Variants in SORL1 observed in about 807,000 individuals in gnomAD.
SORL1 encodes sortilin related receptor 1, also known as sortilin-related receptor.
SORL1 carries 127 observed loss-of-function variants against 273.7 expected under a neutral mutation model. That is an observed-to-expected ratio of 0.46 (90% CI 0.40 to 0.54). SORL1 has a LOEUF of 0.54. SORL1 is among the 20% of genes least tolerant of loss of function. The pLI is 0.00. For missense variants in SORL1, 2,494 were observed against 2,846.1 expected, an observed-to-expected ratio of 0.88 and a Z score of 2.81; for synonymous variants, 1,031 against 1,067.4, an observed-to-expected ratio of 0.97 and a Z score of 0.66.
rs1044552586 is a variant in SORL1, at chr11:121,625,169, A to G, written c.6256A>G (p.Asn2086Asp). ...TACTGACAATTTCTTTAAAATTTCC[A>G]ACCTGAAGATGGGTCATAATTACAC... ...NTTDNFFKIS[N>D]LKMGHNYTFT... Residue 2086 changes from asparagine to aspartate, a missense_variant, in exon 46 of 48, where the codon AAC becomes GAC. Physicochemically the swap from Asn to Asp is conservative, Grantham distance 23. Transcript: ENST00000260197. The G allele has an allele frequency of 3.1e-6, 5 of 1,613,884 alleles. No individual in the cohort carries two copies. In the African/African-American group the frequency reaches 5.3e-5, roughly 17 times the overall value.
intron 18 of SORL1, among the ~76,000 whole-genome samples, chr11:121,556,130 T>A (rs929744008): frequency 6.6e-6 from 1 of 152,214 alleles, no homozygotes; most frequent in Non-Finnish European, 1.5e-5. Flanking sequence ...AGATGGAGAT[T>A]CATATATTCG....
intron 11 of SORL1, among the ~76,000 whole-genome samples, chr11:121,524,101 A>C (rs1862083741): frequency 6.6e-6 from 1 of 152,202 alleles, no homozygotes; most frequent in African/African-American, 2.4e-5. Context: ...GCAGATTGTT[A>C]AGGCCATTGT....
At chr11:121,543,280 A>G (rs931513459) in intron 12 of SORL1, among the ~76,000 whole-genome samples, 1 of 152,006 alleles carries the variant, frequency 6.6e-6, no homozygotes, top group Non-Finnish European at 1.5e-5. Context: ...TTTTCATTCA[A>G]TGTGTAATCT....
Position 121,595,968 on chromosome 11 carries a change from A to T in SORL1, c.4519+196A>T, listed in dbSNP as rs764948965. ...CATTGCGTTAGTCACCTTCTTTTTA[A>T]TAAGTTGACTGCGTTTTAAATACCA... On this transcript the variant is annotated intron_variant, in intron 32 of 47. Coordinates refer to ENST00000260197, the MANE Select transcript of SORL1 (RefSeq NM_003105.6). The surrounding 1 kb of genome is among the most constrained non-coding windows in gnomAD (Gnocchi z 5.1). 6.6e-6 allele frequency among the ~76,000 whole-genome samples: 1 copy of T among 152,222 alleles called. No homozygotes were observed. Among genetic ancestry groups the T allele is most frequent in the Non-Finnish European group, 1.5e-5 (1 of 68,040 alleles).
intron 13 of SORL1, 146 bp from the exon 14 acceptor site, chr11:121,545,097 A>G: frequency 5.7e-6 from 4 of 696,156 alleles, no homozygotes; most frequent in Non-Finnish European, 9.7e-6. Flanking sequence ...CCAGCTTCAA[A>G]ACAAGCTGAT....
chr11:121,539,014 A>G (rs555728482), intron 12 of SORL1, among the ~76,000 whole-genome samples: 1 of 152,130 alleles, frequency 6.6e-6, no homozygotes, highest in South Asian at 2.1e-4. Context: ...TTAGCCTTTT[A>G]CCCTTTGCAA....
chr11:121,459,391 G>A (rs1860956157), intron 1 of SORL1, among the ~76,000 whole-genome samples: 1 of 152,118 alleles, frequency 6.6e-6, no homozygotes, highest in Non-Finnish European at 1.5e-5. Context: ...AGCAAGAGTG[G>A]AGGGCTTGGG....
intron 25 of SORL1, among the ~76,000 whole-genome samples, chr11:121,580,459 G>T: frequency 6.6e-6 from 1 of 151,750 alleles, no homozygotes; most frequent in Non-Finnish European, 1.5e-5. Context: ...ATGAGTATAC[G>T]TTTTGTATCT....
chr11:121,575,294 A>G (rs1366811814), intron 24 of SORL1, among the ~76,000 whole-genome samples: 5 of 152,210 alleles, frequency 3.3e-5, no homozygotes, highest in African/African-American at 7.2e-5. Flanking sequence ...ATCTTAGTTA[A>G]CAGTCCCTGG....
chr11:121,457,123 A>T (rs1860918762), intron 1 of SORL1, among the ~76,000 whole-genome samples: 1 of 152,168 alleles, frequency 6.6e-6, no homozygotes. Flanking sequence ...GTCTTTTCTT[A>T]GGGAGCTCTG....
At chr11:121,558,482 T>C (rs1862624846) in intron 19 of SORL1, 109 bp from the exon 20 acceptor site, 3 of 1,152,558 alleles carry the variant, frequency 2.6e-6, no homozygotes, top group Non-Finnish European at 2.5e-6. Context: ...AATGCTGAAA[T>C]AACCAGCCGG....
chr11:121,630,140 G>A lies in SORL1; in HGVS notation c.*577G>A, dbSNP rs939097007. 2 of 152,730 alleles carry A rather than the reference G, an allele frequency of 1.3e-5. No individual in the cohort carries two copies. The highest frequency in any genetic ancestry group is 2.9e-5 in the Non-Finnish European group (2 of 68,432). The allele number at this position is 152,730 out of a possible 1,614,324, so 9.5% of individuals were successfully genotyped here. The stretch of plus-strand genomic sequence containing the variant: ...TTACCCATAGGGTTGGGGGTGGGAA[G>A]AGAAGCATATTTTTTTGCCATTCCG... On this transcript the variant is annotated 3_prime_UTR_variant, in exon 48 of 48. Coordinates refer to ENST00000260197, the MANE Select transcript of SORL1 (RefSeq NM_003105.6).
intron 39 of SORL1, chr11:121,611,371 C>A (rs538083264): frequency 1.3e-5 from 6 of 460,324 alleles, no homozygotes; most frequent in African/African-American, 1.2e-4. Flanking sequence ...TCTGCCTCAG[C>A]CTGGTGCCTT....
At chr11:121,561,435 T>G (rs1862672595) in intron 21 of SORL1, among the ~76,000 whole-genome samples, 1 of 152,188 alleles carries the variant, frequency 6.6e-6, no homozygotes, top group Admixed American at 6.5e-5. Context: ...GTAGTTTCCC[T>G]TTCATGCCTC....
chr11:121,602,028 C>G (rs952210162), intron 32 of SORL1, among the ~76,000 whole-genome samples: 3 of 152,140 alleles, frequency 2.0e-5, no homozygotes, highest in Non-Finnish European at 2.9e-5. Context: ...TTACATATCC[C>G]CATATTTTTA....
chr11:121,515,612 G>T (rs1240296619), intron 8 of SORL1, among the ~76,000 whole-genome samples: 1 of 152,118 alleles, frequency 6.6e-6, no homozygotes, highest in Non-Finnish European at 1.5e-5. Flanking sequence ...GCCTTCAGGG[G>T]CTTGTGAAGA....
chr11:121,537,317 A>G (rs180999361), intron 12 of SORL1, among the ~76,000 whole-genome samples: 2 of 152,108 alleles, frequency 1.3e-5, no homozygotes, highest in Admixed American at 1.3e-4. Flanking sequence ...TGCATTATAG[A>G]ATGATGGATC....
At chr11:121,459,629 T>C (rs1308357456) in intron 1 of SORL1, among the ~76,000 whole-genome samples, 1 of 152,230 alleles carries the variant, frequency 6.6e-6, no homozygotes, top group Admixed American at 6.5e-5. Context: ...TCACTTCTCA[T>C]CTGGCCTTGC....
intron 8 of SORL1, among the ~76,000 whole-genome samples, chr11:121,514,522 C>T (rs774150204): frequency 6.6e-6 from 1 of 152,086 alleles, no homozygotes; most frequent in African/African-American, 2.4e-5. Flanking sequence ...TCTTAAGAAG[C>T]GCCCTAGGTG....
Sources: gnomAD v4.1 joint callset for allele counts (sites outside exome capture counted in the v4.1 genomes callset) on GRCh38, gnomAD v4.1.1 for gene constraint, Gnocchi (gnomAD v3.1) non-coding constraint, MANE v1.5 for transcripts, NCBI Gene and HGNC (gene_info 2026-07-23, HGNC 2026-07-21) for gene names.